Variants in E2F5 observed in about 807,000 individuals in gnomAD.
E2F5 encodes the protein E2F transcription factor 5, also known as transcription factor E2F5.
In E2F5, 23 loss-of-function variants were observed where a neutral mutation model predicts 39.1. That is an observed-to-expected ratio of 0.59 (90% CI 0.42 to 0.83). The LOEUF is 0.83. Among genes scored for constraint, E2F5 ranks in the 40% least tolerant of loss-of-function variants. The probability of loss-of-function intolerance (pLI) is 0.00; values close to 1 mark genes in which losing one functional copy is unlikely to be tolerated. For missense variants in E2F5, 365 were observed against 406.7 expected, an observed-to-expected ratio of 0.90 and a Z score of 0.88; for synonymous variants, 145 against 157.8, an observed-to-expected ratio of 0.92 and a Z score of 0.61.
At chr8:85,211,361 T>C (rs1812916537) in intron 6 of E2F5, among the ~76,000 whole-genome samples, 1 of 151,992 alleles carries the variant, frequency 6.6e-6, no homozygotes, top group Non-Finnish European at 1.5e-5. Context: ...CTGACAGCAC[T>C]TAATGTACTC....
chr8:85,185,629 A>G (rs1812314332), intron 1 of E2F5, among the ~76,000 whole-genome samples: 1 of 152,252 alleles, frequency 6.6e-6, no homozygotes, highest in Non-Finnish European at 1.5e-5. Flanking sequence ...CAAAGAGTTC[A>G]TATCCAGGAT....
At position 85,177,627 on chromosome 8, in the gene E2F5, C is replaced by G. The variant is rs1203839381; in HGVS notation, c.207C>G (p.Ala69=). ...AGTTCGTGTCGCTGCTGCAGGAGGC[C>G]AAGGACGGCGTTCTGGATCTCAAAG... ...TTKFVSLLQE[A]KDGVLDLKAA... The change falls in exon 1 of 8, where the codon GCC becomes GCG. Residue 69 remains alanine, a synonymous_variant. Coordinates refer to ENST00000416274, the MANE Select transcript of E2F5 (RefSeq NM_001951.4). 7.7e-7 allele frequency: 1 copy of G among 1,297,248 alleles called. No individual in the cohort carries two copies. The highest frequency in any genetic ancestry group is 3.1e-5 in the Admixed American group (1 of 32,362). 80.4% of individuals were successfully genotyped at this position (1,297,248 alleles called of 1,614,324 possible).
Position 85,178,767 on chromosome 8 carries a change from G to A in E2F5, c.234+1113G>A, listed in dbSNP as rs574984421. On this transcript the variant is annotated intron_variant, in intron 1 of 7. Coordinates refer to ENST00000416274, the MANE Select transcript of E2F5 (RefSeq NM_001951.4). ...TCCCTGAATGTAAGGACCAAGACTT[G>A]CAGGGGCCAACTCTTCTGCTAGAGG... 8.6e-4 allele frequency among the ~76,000 whole-genome samples: 131 copies of A among 152,266 alleles called. 1 individual carries two copies. In the South Asian group the frequency reaches 0.014, roughly 16 times the overall value.
chr8:85,207,490 G>C lies in E2F5; in HGVS notation c.615+1G>C. 6.4e-7 allele frequency: 1 copy of C among 1,554,752 alleles called. No individual in the cohort carries two copies. Among genetic ancestry groups the C allele is most frequent in the Non-Finnish European group, 8.7e-7 (1 of 1,148,446 alleles). ...ACTGGAGGTACCCATTCCAGAAATG[G>C]TATGTAGGATAACTTATGTTTATAT... On this transcript the variant is annotated splice_donor_variant, in intron 5 of 7. Coordinates refer to ENST00000416274, the MANE Select transcript of E2F5 (RefSeq NM_001951.4). LOFTEE classifies it high-confidence loss of function.
At chr8:85,205,954 G>T (rs1368910833) in intron 3 of E2F5, among the ~76,000 whole-genome samples, 3 of 151,994 alleles carry the variant, frequency 2.0e-5, no homozygotes, top group Non-Finnish European at 2.9e-5. Flanking sequence ...TCTCCTAAGG[G>T]TCCTCAAATG....
rs183406259 is a variant in E2F5 at position 85,214,294 on chromosome 8, C to T, written c.*432C>T. On this transcript the variant is annotated 3_prime_UTR_variant, in exon 8 of 8. Coordinates refer to ENST00000416274, the MANE Select transcript of E2F5 (RefSeq NM_001951.4). ...CTATCCAAACAGACGTTCACTGCCA[C>T]TTGTAAAGTGAAGGATGTAAACGAG... 29 of 578,450 alleles carry T rather than the reference C, an allele frequency of 5.0e-5. 2 individuals are homozygous for T. In the East Asian group the frequency reaches 1.0e-3, roughly 20 times the overall value. 35.8% of individuals were successfully genotyped at this position (578,450 alleles called of 1,614,324 possible). A position where few individuals can be genotyped will look rare whatever the true frequency, so the allele number is the denominator to read the frequency against.
intron 1 of E2F5, among the ~76,000 whole-genome samples, chr8:85,196,369 T>G (rs1175058809): frequency 6.6e-6 from 1 of 152,214 alleles, no homozygotes; most frequent in East Asian, 1.9e-4. Flanking sequence ...TTTTTAAACC[T>G]CATTCTATAA....
rs1812746870 is a variant in E2F5, at chr8:85,203,876, T to A, written c.506+621T>A. 2.0e-5 allele frequency among the ~76,000 whole-genome samples: 3 copies of A among 148,728 alleles called. No homozygotes were observed. In the South Asian group the frequency reaches 6.2e-4, roughly 31 times the overall value. On this transcript the variant is annotated intron_variant, in intron 3 of 7. Coordinates refer to ENST00000416274, the MANE Select transcript of E2F5 (RefSeq NM_001951.4). ...TATATAATATATAAAAACATTATTA[T>A]ATATATAAAAACACATATCCATGTG...
rs1379368761 is a variant in E2F5 at position 85,213,806 on chromosome 8, T to G, written c.985T>G (p.Leu329Val). 22 of 1,613,364 alleles carry G rather than the reference T, an allele frequency of 1.4e-5. No individual in the cohort carries two copies. The highest frequency in any genetic ancestry group is 1.9e-5 in the Non-Finnish European group (22 of 1,179,650). ...PTPADDYNFN[L>V]DDNEGVCDLF... is the part of the protein sequence containing the mutation. ...CCCGGCAGATGACTACAACTTTAAT[T>G]TAGATGATAACGAAGGAGTTTGTGA... The change falls in exon 8 of 8, where the codon TTA becomes GTA. Residue 329 changes from leucine to valine, a missense_variant. Physicochemically the swap from Leu to Val is conservative, Grantham distance 32. Coordinates refer to ENST00000416274, the MANE Select transcript of E2F5 (RefSeq NM_001951.4).
chr8:85,191,375 TAATAAC>T (rs2129670339), intron 1 of E2F5, among the ~76,000 whole-genome samples: 1 of 152,304 alleles, frequency 6.6e-6, no homozygotes, highest in African/African-American at 2.4e-5. Context: ...TGACTATAGT[TAATAAC>T]AATGTATTGC....
At chr8:85,184,315 A>G (rs949416036) in intron 1 of E2F5, among the ~76,000 whole-genome samples, 3 of 152,222 alleles carry the variant, frequency 2.0e-5, no homozygotes, top group Non-Finnish European at 4.4e-5. Flanking sequence ...AAAATTCAAC[A>G]GCCCTTCGTG....
chr8:85,212,248 T>A (rs1334847311), intron 7 of E2F5, 44 bp downstream of exon 7: 2 of 1,348,156 alleles, frequency 1.5e-6, no homozygotes, highest in Admixed American at 3.6e-5. Flanking sequence ...CAGTAATGCT[T>A]CTGTGGAATT....
At chr8:85,210,675 T>TAA (rs78651124) in intron 6 of E2F5, among the ~76,000 whole-genome samples, 5 of 131,662 alleles carry the variant, frequency 3.8e-5, no homozygotes, top group South Asian at 4.9e-4. Flanking sequence ...GACTCCATCT[T>TAA]AAAAAAAAAA....
chr8:85,207,500 T>A lies in E2F5; in HGVS notation c.615+11T>A. The A allele has an allele frequency of 6.5e-7, 1 of 1,549,072 alleles. No individual in the cohort carries two copies. The highest frequency in any genetic ancestry group is 2.0e-5 in the Admixed American group (1 of 50,108). On this transcript the variant is annotated intron_variant, in intron 5 of 7. Coordinates refer to ENST00000416274, the MANE Select transcript of E2F5 (RefSeq NM_001951.4). ...CCCATTCCAGAAATGGTATGTAGGATAACTTATGTTTATATAAGTGGGAAA... is the reference window on the plus strand; with the variant it reads ...CCCATTCCAGAAATGGTATGTAGGAAAACTTATGTTTATATAAGTGGGAAA...
At chr8:85,200,770 G>A (rs1812679425) in intron 1 of E2F5, among the ~76,000 whole-genome samples, 1 of 152,176 alleles carries the variant, frequency 6.6e-6, no homozygotes, top group Non-Finnish European at 1.5e-5. Context: ...TGTGAAGGTC[G>A]ATAAAACAAG....
chr8:85,177,756 C>T, intron 1 of E2F5, 102 bp downstream of exon 1: 1 of 1,141,672 alleles, frequency 8.8e-7, no homozygotes, highest in East Asian at 4.1e-5. Context: ...TGTAGACGCG[C>T]CTTGCGGGGA....
Position 85,177,473 on chromosome 8 carries a change from G to C in E2F5, c.53G>C (p.Gly18Ala), listed in dbSNP as rs4150841. 59,070 of 1,013,068 alleles carry C rather than the reference G, an allele frequency of 0.058. 1,811 individuals carry two copies. The highest frequency in any genetic ancestry group is 0.062 in the Non-Finnish European group (52,699 of 850,010). 62.8% of individuals were successfully genotyped at this position (1,013,068 alleles called of 1,614,324 possible). A position where few individuals can be genotyped will look rare whatever the true frequency, so the allele number is the denominator to read the frequency against. The change falls in exon 1 of 8, where the codon GGG becomes GCG. Residue 18 changes from glycine to alanine, a missense_variant. Coordinates refer to ENST00000416274, the MANE Select transcript of E2F5 (RefSeq NM_001951.4). ...SSGQQAPAGQ[G>A]QGQRPPPQPP... Reference sequence around the variant, plus strand: ...GGCCAGCAGGCGCCGGCAGGGCAGGGGCAGGGCCAGCGGCCGCCGCCGCAG... The same window carrying C: ...GGCCAGCAGGCGCCGGCAGGGCAGGCGCAGGGCCAGCGGCCGCCGCCGCAG...
chr8:85,177,798 C>A, intron 1 of E2F5, 144 bp downstream of exon 1: 1 of 1,144,916 alleles, frequency 8.7e-7, no homozygotes, highest in Non-Finnish European at 1.1e-6. Context: ...GACCATGTGG[C>A]CTGCGCCCGG....
chr8:85,202,128 C>T lies in E2F5; in HGVS notation c.235-19C>T, dbSNP rs983110027. On this transcript the variant is annotated intron_variant, in intron 1 of 7. Transcript: ENST00000416274. Reference sequence around the variant, plus strand: ...GACTTGCCCTTTATTTCACTGTTCTCGTTGTCTTTCCTGAACAGGCTGCTG... The same window carrying T: ...GACTTGCCCTTTATTTCACTGTTCTTGTTGTCTTTCCTGAACAGGCTGCTG... The T allele has an allele frequency of 5.6e-6, 9 of 1,594,660 alleles. 1 individual carries two copies. Among genetic ancestry groups the T allele is most frequent in the South Asian group, 3.4e-5 (3 of 89,302 alleles).
Sources: allele counts gnomAD v4.1 joint callset (sites outside exome capture counted in the v4.1 genomes callset), GRCh38; gene constraint gnomAD v4.1.1; transcripts MANE v1.5; gene names NCBI Gene and HGNC (gene_info 2026-07-23, HGNC 2026-07-21).